Variants in AOPEP observed in about 807,000 individuals in gnomAD.
AOPEP encodes aminopeptidase O (putative), also known as aminopeptidase O.
A neutral mutation model predicts 98.1 loss-of-function variants in AOPEP; 77 were observed. The ratio of observed to expected loss-of-function variants is 0.78; its 90% CI spans 0.65 to 0.95. AOPEP has a LOEUF of 0.95. Ranked by LOEUF, AOPEP falls within the 40% of genes least tolerant of loss-of-function variation. The probability of loss-of-function intolerance (pLI) is 0.00; values close to 1 mark genes in which losing one functional copy is unlikely to be tolerated. For missense variants in AOPEP, 1,024 were observed against 1,024.7 expected (o/e 1.00, Z 0.01); for synonymous variants, 346 against 365.3 (o/e 0.95, Z 0.60).
intron 7 of AOPEP, among the ~76,000 whole-genome samples, chr9:94,934,343 G>A (rs1226701771): frequency 5.7e-5 from 7 of 122,432 alleles, no homozygotes; most frequent in Admixed American, 5.0e-4. Context: ...TTGAGACAGA[G>A]TCTGGCTCTA....
chr9:94,841,171 T>C, intron 5 of AOPEP, among the ~76,000 whole-genome samples: 1 of 142,676 alleles, frequency 7.0e-6, no homozygotes, highest in East Asian at 2.0e-4. Context: ...TCCACACAAT[T>C]TTTTTTTTTT....
chr9:94,792,893 T>C lies in AOPEP; in HGVS notation c.1093T>C (p.Phe365Leu), dbSNP rs201193216. ...AAATGATTTGGCAACAGAGAGACCC[T>C]TCTCACCTTCTGAGGCCAACTTCAG... Reference protein sequence around the residue: ...SSNDLATERPFSPSEANFRHV... With the variant: ...SSNDLATERPLSPSEANFRHV... The change falls in exon 4 of 17, where the codon TTC (phenylalanine) becomes CTC (leucine). Residue 365 changes from phenylalanine (F) to leucine (L), a missense_variant. Phe to Leu is a conservative substitution (Grantham distance 22, BLOSUM62 0). This residue lies in a region of AOPEP where 18 missense variants were observed against 39.1 expected (regional missense o/e 0.46). Coordinates refer to ENST00000375315, the MANE Select transcript of AOPEP (RefSeq NM_001193329.3). The C allele has an allele frequency of 1.2e-6, 2 of 1,611,704 alleles. No individual in the cohort carries two copies. Among genetic ancestry groups the C allele is most frequent in the Non-Finnish European group, 1.7e-6 (2 of 1,178,758 alleles).
chr9:94,842,096 T>C (rs4744383), intron 5 of AOPEP, among the ~76,000 whole-genome samples: 130,608 of 152,056 alleles, frequency 0.86, 56,242 homozygotes, highest in Non-Finnish European at 0.89. Context: ...GTGTGGTGTC[T>C]CACACCTGTA....
At chr9:95,088,730 TTCTTTAGAAACCAC>T (rs1050683300), downstream of AOPEP, among the ~76,000 whole-genome samples, 1 of 152,152 alleles carries the variant, frequency 6.6e-6, no homozygotes, top group African/African-American at 2.4e-5. Context: ...ATGCTTTATC[TTCTTTAGAAACCAC>T]TAAAGCAAAG....
chr9:94,999,510 A>G (rs2061431075), intron 11 of AOPEP, among the ~76,000 whole-genome samples: 1 of 152,184 alleles, frequency 6.6e-6, no homozygotes, highest in Non-Finnish European at 1.5e-5. Context: ...CTCACAGAAA[A>G]TTACTATCTA....
At chr9:95,090,477 G>T (rs576212101), downstream of AOPEP, among the ~76,000 whole-genome samples, 2 of 152,152 alleles carry the variant, frequency 1.3e-5, no homozygotes, top group Non-Finnish European at 2.9e-5. Context: ...GGCTGGGCCC[G>T]GGCCCAGGGC....
the AOPEP span, among the ~76,000 whole-genome samples, chr9:95,119,123 T>C: frequency 6.6e-6 from 1 of 152,224 alleles, no homozygotes; most frequent in East Asian, 1.9e-4. Flanking sequence ...TCCTACCTGT[T>C]TCACTCTGCA....
At chr9:94,902,140 CT>C (rs752314351) in intron 5 of AOPEP, among the ~76,000 whole-genome samples, 18 of 152,250 alleles carry the variant, frequency 1.2e-4, no homozygotes, top group Middle Eastern at 3.4e-3. Context: ...TGTTAATTGA[CT>C]GAGTGTTTAA....
At position 95,029,018 on chromosome 9, in the gene AOPEP, G is replaced by A. The variant is rs1163388007; in HGVS notation, c.2115+23402G>A. ...CCAGCTGGTGAGGAACGCACATGGG[G>A]CAGAGTTTCCAGGTAGCTGTGTGGG... is the stretch of plus-strand genomic sequence containing the variant. On this transcript the variant is annotated intron_variant, in intron 13 of 16. Coordinates refer to ENST00000375315, the MANE Select transcript of AOPEP (RefSeq NM_001193329.3). Among the ~76,000 whole-genome samples, 4 of 152,352 alleles carry A rather than the reference G, an allele frequency of 2.6e-5. No individual in the cohort carries two copies. The South Asian group carries it at 6.2e-4, about 24-fold the overall frequency.
At chr9:95,142,031 C>T in the AOPEP span, among the ~76,000 whole-genome samples, 3 of 94,386 alleles carry the variant, frequency 3.2e-5, no homozygotes, top group African/African-American at 4.1e-5. Context: ...TTGCTCTTGT[C>T]GCCCAGGCTG....
intron 7 of AOPEP, among the ~76,000 whole-genome samples, chr9:94,941,576 G>A (rs1457282815): frequency 6.6e-6 from 1 of 152,230 alleles, no homozygotes; most frequent in Non-Finnish European, 1.5e-5. Flanking sequence ...ACCAGCCTGA[G>A]CTGCCCACTC....
intron 13 of AOPEP, among the ~76,000 whole-genome samples, chr9:95,059,091 C>A (rs573144065): frequency 6.6e-6 from 1 of 152,136 alleles, no homozygotes. Flanking sequence ...TTTTTAATAC[C>A]GTATGGTGGA....
chr9:94,962,063 C>G (rs1169135562), intron 9 of AOPEP, among the ~76,000 whole-genome samples: 3 of 152,102 alleles, frequency 2.0e-5, no homozygotes, highest in Non-Finnish European at 4.4e-5. Context: ...TTGTATACAG[C>G]CTTTGTTGGG....
At chr9:94,817,986 A>G (rs1247284075) in intron 5 of AOPEP, among the ~76,000 whole-genome samples, 1 of 152,216 alleles carries the variant, frequency 6.6e-6, no homozygotes, top group Admixed American at 6.5e-5. Context: ...CTTGGAAGCC[A>G]TCCAGCCACT....
chr9:95,023,048 G>A (rs1441668165), intron 13 of AOPEP, among the ~76,000 whole-genome samples: 3 of 152,148 alleles, frequency 2.0e-5, no homozygotes, highest in East Asian at 1.9e-4. Context: ...TTTTCACGCT[G>A]GACCGACTCG....
chr9:95,147,395 A>G, the AOPEP span, among the ~76,000 whole-genome samples: 1 of 152,190 alleles, frequency 6.6e-6, no homozygotes, highest in Non-Finnish European at 1.5e-5. Context: ...GCATGCCTGT[A>G]ATCCCAGCTA....
intron 3 of AOPEP, among the ~76,000 whole-genome samples, chr9:94,792,289 A>G (rs1331935490): frequency 2.0e-5 from 3 of 152,194 alleles, no homozygotes; most frequent in African/African-American, 7.2e-5. Flanking sequence ...TGTGTTTTCT[A>G]CTATATTCAT....
the AOPEP span, among the ~76,000 whole-genome samples, chr9:95,134,291 G>C: frequency 6.6e-6 from 1 of 152,206 alleles, no homozygotes; most frequent in Admixed American, 6.5e-5. Context: ...AGTCCCAACT[G>C]AACTAAACAA....
At chr9:94,813,395 C>G (rs929899929) in intron 5 of AOPEP, among the ~76,000 whole-genome samples, 1 of 152,194 alleles carries the variant, frequency 6.6e-6, no homozygotes, top group Non-Finnish European at 1.5e-5. Flanking sequence ...ATGATACCAC[C>G]TGACTTTATA....
Sources: gnomAD v4.1 joint callset for allele counts (sites outside exome capture counted in the v4.1 genomes callset) on GRCh38, gnomAD v4.1.1 for gene constraint, gnomAD v4.1.1 regional missense constraint, MANE v1.5 for transcripts, NCBI Gene and HGNC (gene_info 2026-07-23, HGNC 2026-07-21) for gene names.